Variants in RBFOX1 observed in about 807,000 individuals in gnomAD.
RBFOX1 encodes the protein RNA binding fox-1 homolog 1.
A neutral mutation model predicts 57.7 loss-of-function variants in RBFOX1; 8 were observed. The ratio of observed to expected loss-of-function variants is 0.14; its 90% CI spans 0.08 to 0.25. The LOEUF (loss-of-function observed/expected upper bound fraction) is 0.25. Among genes scored for constraint, RBFOX1 ranks in the 10% least tolerant of loss-of-function variants. RBFOX1 has a pLI of 1.00. For synonymous variants in RBFOX1, 326 were observed against 222.4 expected, an observed-to-expected ratio of 1.47 and a Z score of -4.15; for missense variants, 611 against 548.5, an observed-to-expected ratio of 1.11 and a Z score of -1.14.
At chr16:6,447,549 A>T (rs2094508386) in intron 2 of RBFOX1, among the ~76,000 whole-genome samples, 1 of 152,308 alleles carries the variant, frequency 6.6e-6, no homozygotes, top group East Asian at 1.9e-4. Context: ...CTGTCATATC[A>T]GAGTGCCTGT....
intron 2 of RBFOX1, among the ~76,000 whole-genome samples, chr16:6,511,337 A>C (rs768521518): frequency 6.6e-6 from 1 of 152,184 alleles, no homozygotes; most frequent in Non-Finnish European, 1.5e-5. Flanking sequence ...AATCTCTTCT[A>C]TGCTTTTTCT....
Position 5,485,442 on chromosome 16 carries a change from G to GT in RBFOX1, c.258+18189dup, listed in dbSNP as rs201330831. On this transcript the variant is annotated intron_variant, in intron 2 of 2. Transcript: ENST00000585867. ...TGCATACCAAGAGGTGAGATCATCA[G>GT]TACCATTTTAGAGTTTACCTACCAC... is the stretch of plus-strand genomic sequence containing the variant. Among the ~76,000 whole-genome samples, 12 of 70,244 alleles carry GT rather than the reference G, an allele frequency of 1.7e-4. No individual in the cohort carries two copies. In the East Asian group the frequency reaches 5.2e-3, roughly 30 times the overall value. 46.1% of individuals were successfully genotyped at this position (70,244 alleles called of 152,430 possible).
intron 1 of RBFOX1, among the ~76,000 whole-genome samples, chr16:5,258,677 G>A (rs1417752515): frequency 1.3e-5 from 2 of 152,156 alleles, no homozygotes; most frequent in African/African-American, 4.8e-5. Context: ...CAGCACTTTG[G>A]GAGGCCAAGG....
rs1353148721 is a variant in RBFOX1, at chr16:6,450,827, A to G, written c.-64+133770A>G. 5.9e-4 allele frequency among the ~76,000 whole-genome samples: 21 copies of G among 35,842 alleles called. 3 individuals are homozygous for G. Among genetic ancestry groups the G allele is most frequent in the East Asian group, 2.4e-3 (4 of 1,694 alleles). The allele number at this position is 35,842 out of a possible 152,430, so 23.5% of individuals were successfully genotyped here. ...TATATATATATATATACATATATAT[A>G]TATATATATGTGTATATATATATAT... On this transcript the variant is annotated intron_variant, in intron 2 of 15. Transcript: ENST00000550418.
chr16:5,935,298 G>A (rs1289419916), intron 4 of RBFOX1, among the ~76,000 whole-genome samples: 5 of 152,204 alleles, frequency 3.3e-5, no homozygotes. Context: ...GTAGGGGGCA[G>A]GCCATGCCAC....
intron 2 of RBFOX1, among the ~76,000 whole-genome samples, chr16:6,418,588 A>G (rs929118901): frequency 2.1e-5 from 3 of 144,262 alleles, no homozygotes; most frequent in Admixed American, 7.1e-5. Flanking sequence ...CAGTGGTGCA[A>G]TTATAGGTCA....
At chr16:7,637,211 G>GTTAA (rs2061911677) in intron 11 of RBFOX1, among the ~76,000 whole-genome samples, 1 of 150,182 alleles carries the variant, frequency 6.7e-6, no homozygotes, top group Non-Finnish European at 1.5e-5. Context: ...AAATCCTAAA[G>GTTAA]TTAATAGAAG....
At chr16:5,496,861 G>A (rs974405196) in intron 2 of RBFOX1, among the ~76,000 whole-genome samples, 4 of 152,192 alleles carry the variant, frequency 2.6e-5, no homozygotes, top group African/African-American at 7.2e-5. Context: ...CTGCTCAGTA[G>A]AAAGACTCCA....
intron 3 of RBFOX1, among the ~76,000 whole-genome samples, chr16:5,854,218 A>C (rs4786785): frequency 0.39 from 59,982 of 152,040 alleles, 12,096 homozygotes; most frequent in East Asian, 0.63. Context: ...TTCTTCAGAA[A>C]TATCAAGTAT....
rs397969435 is a variant in RBFOX1 at position 6,448,156 on chromosome 16, C to CTTTTTTTTTTTTTTTTTTTTTTT, written c.-64+131120_-64+131121insTTTTTTTTTTTTTTTTTTTTTTT. Among the ~76,000 whole-genome samples the CTTTTTTTTTTTTTTTTTTTTTTT allele has an allele frequency of 1.1e-3, 90 of 78,474 alleles. 1 individual carries two copies. Among genetic ancestry groups the CTTTTTTTTTTTTTTTTTTTTTTT allele is most frequent in the Non-Finnish European group, 1.3e-3 (60 of 45,472 alleles). 51.5% of individuals were successfully genotyped at this position (78,474 alleles called of 152,430 possible). A position where few individuals can be genotyped will look rare whatever the true frequency, so the allele number is the denominator to read the frequency against. On this transcript the variant is annotated intron_variant, in intron 2 of 15. Transcript: ENST00000550418. ...TTCTTTTTTTTCTTTTCTTTTCTTT[C>CTTTTTTTTTTTTTTTTTTTTTTT]TTTTTTTTTTTTTTTTTTTTTGAGA...
intron 4 of RBFOX1, among the ~76,000 whole-genome samples, chr16:5,932,885 A>G (rs545818618): frequency 6.6e-6 from 1 of 152,178 alleles, no homozygotes; most frequent in African/African-American, 2.4e-5. Flanking sequence ...GGCATTGCCA[A>G]GCCATTTGGT....
chr16:5,879,788 C>A (rs916576194), intron 4 of RBFOX1, among the ~76,000 whole-genome samples: 1 of 152,202 alleles, frequency 6.6e-6, no homozygotes, highest in East Asian at 1.9e-4. Context: ...GTTGACCTCG[C>A]AGTACAGGAT....
At chr16:7,508,118 C>G (rs932877719) in intron 4 of RBFOX1, among the ~76,000 whole-genome samples, 22 of 152,156 alleles carry the variant, frequency 1.4e-4, no homozygotes, top group African/African-American at 5.3e-4. Context: ...TCCAAAGTAG[C>G]TGGGATTACA....
intron 1 of RBFOX1, among the ~76,000 whole-genome samples, chr16:6,249,603 A>G (rs1015888360): frequency 2.0e-5 from 3 of 152,128 alleles, no homozygotes; most frequent in Admixed American, 1.3e-4. Flanking sequence ...CAGCATAGGT[A>G]GAGAGTAGTG....
intron 4 of RBFOX1, among the ~76,000 whole-genome samples, chr16:7,092,222 G>GTTGTTTGTTTCTC (rs551845588): frequency 6.7e-4 from 102 of 152,184 alleles, no homozygotes; most frequent in Non-Finnish European, 1.3e-3. Flanking sequence ...AGGGTTTGTT[G>GTTGTTTGTTTCTC]TTGTTTGTTT....
intron 3 of RBFOX1, among the ~76,000 whole-genome samples, chr16:6,920,046 G>A (rs549809273): frequency 8.6e-5 from 13 of 152,046 alleles, no homozygotes; most frequent in Admixed American, 4.6e-4. Flanking sequence ...TTGTTTTTCC[G>A]TTCCTGAGTT....
intron 3 of RBFOX1, among the ~76,000 whole-genome samples, chr16:7,009,811 A>G (rs1349057994): frequency 1.3e-5 from 2 of 152,220 alleles, no homozygotes; most frequent in Non-Finnish European, 2.9e-5. Flanking sequence ...AAATAATACT[A>G]GAGCTAACGT....
chr16:5,542,798 A>G (rs1043009216), intron 2 of RBFOX1, among the ~76,000 whole-genome samples: 2 of 152,308 alleles, frequency 1.3e-5, no homozygotes, highest in African/African-American at 2.4e-5. Context: ...ATACTTTACC[A>G]TCCATACTCA....
chr16:6,056,842 C>CTTTTTTTTTTTTTTTTTTTT (rs61605263), intron 1 of RBFOX1: 1 of 148,630 alleles, frequency 6.7e-6, no homozygotes. Flanking sequence ...AGACTTAAGA[C>CTTTTTTTTTTTTTTTTTTTT]TTTTTTTTTT....
Sources: allele counts gnomAD v4.1 joint callset (sites outside exome capture counted in the v4.1 genomes callset), GRCh38; gene constraint gnomAD v4.1.1; transcripts MANE v1.5; gene names NCBI Gene and HGNC (gene_info 2026-07-23, HGNC 2026-07-21).